CDC73: variants seen among roughly 807,000 people sequenced by gnomAD.
CDC73 encodes the protein parafibromin.
In CDC73, 21 loss-of-function variants were observed where a neutral mutation model predicts 83.7. The observed-to-expected ratio is 0.25, with a 90% CI of 0.18 to 0.36. The LOEUF (loss-of-function observed/expected upper bound fraction) is 0.36. Among genes scored for constraint, CDC73 ranks in the 10% least tolerant of loss-of-function variants. CDC73 has a pLI of 1.00. For missense variants in CDC73, 342 were observed against 653.3 expected (o/e 0.52, Z 5.19); for synonymous variants, 224 against 212.9 (o/e 1.05, Z -0.45).
chr1:193,225,347 G>T (rs972612376), intron 13 of CDC73, among the ~76,000 whole-genome samples: 1 of 151,688 alleles, frequency 6.6e-6, no homozygotes, highest in Non-Finnish European at 1.5e-5. Context: ...TTGCAATTGC[G>T]AATTGTGCTG....
At chr1:193,157,363 T>C (rs1286353555) in intron 10 of CDC73, among the ~76,000 whole-genome samples, 1 of 152,206 alleles carries the variant, frequency 6.6e-6, no homozygotes, top group East Asian at 1.9e-4. Context: ...ATATGTCTCT[T>C]TTAGCATGCT....
rs886045738 is a variant in CDC73, at chr1:193,254,497, A to G, written c.*3785A>G. On this transcript the variant is annotated 3_prime_UTR_variant, in exon 17 of 17. Coordinates refer to ENST00000367435, the MANE Select transcript of CDC73 (RefSeq NM_024529.5). ...ATTGGAGTGGGAATTTTGAAATGCC[A>G]TGTCCTATATATTCTGGCATATTTG... is the stretch of plus-strand genomic sequence containing the variant. Among the ~76,000 whole-genome samples, 1 of 152,112 alleles carries G rather than the reference A, an allele frequency of 6.6e-6. No individual in the cohort carries two copies. Among genetic ancestry groups the G allele is most frequent in the Admixed American group, 6.5e-5 (1 of 15,270 alleles).
At chr1:193,226,623 A>G in intron 13 of CDC73, among the ~76,000 whole-genome samples, 1 of 152,144 alleles carries the variant, frequency 6.6e-6, no homozygotes, top group Non-Finnish European at 1.5e-5. Context: ...TATCACATTT[A>G]TTGACTTGTG....
chr1:193,188,846 A>G (rs937661014), intron 10 of CDC73, among the ~76,000 whole-genome samples: 1 of 152,146 alleles, frequency 6.6e-6, no homozygotes, highest in African/African-American at 2.4e-5. Flanking sequence ...CAAGTATTTA[A>G]ACAGCAAGAA....
At chr1:193,181,338 G>A in intron 10 of CDC73, 1 of 1,614,056 alleles carries the variant, frequency 6.2e-7, no homozygotes, top group Non-Finnish European at 8.5e-7. Context: ...GGGAGCTGTG[G>A]TTTGTCTCAC....
At chr1:193,245,986 A>G (rs1558324712) in intron 15 of CDC73, among the ~76,000 whole-genome samples, 1 of 152,012 alleles carries the variant, frequency 6.6e-6, no homozygotes, top group Admixed American at 6.6e-5. Flanking sequence ...CTGATTTTTT[A>G]TGCTTTGAAA....
intron 11 of CDC73, among the ~76,000 whole-genome samples, chr1:193,211,544 T>C (rs937572880): frequency 6.6e-6 from 1 of 152,220 alleles, no homozygotes; most frequent in African/African-American, 2.4e-5. Flanking sequence ...TTGTCAGCCT[T>C]ATCACTCTTA....
intron 11 of CDC73, among the ~76,000 whole-genome samples, chr1:193,208,098 A>G (rs1185846357): frequency 2.0e-5 from 3 of 152,216 alleles, no homozygotes; most frequent in Non-Finnish European, 2.9e-5. Context: ...TCATAGAGTG[A>G]CACCACAATC....
intron 10 of CDC73, among the ~76,000 whole-genome samples, chr1:193,195,186 G>A (rs1216889086): frequency 6.6e-6 from 1 of 151,996 alleles, no homozygotes; most frequent in African/African-American, 2.4e-5. Context: ...ATTAGGAATG[G>A]GAATCTGCTT....
chr1:193,222,860 T>A (rs578254511), intron 13 of CDC73, among the ~76,000 whole-genome samples: 3 of 151,818 alleles, frequency 2.0e-5, no homozygotes, highest in Non-Finnish European at 4.4e-5. Flanking sequence ...CATTCTATCT[T>A]CCATGTTTCT....
At position 193,253,641 on chromosome 1, in the gene CDC73, A is replaced by G. The variant is rs1028300757; in HGVS notation, c.*2929A>G. ...TTTACTAACATTTGTTTTTAGCAGCACAACAGTAATCCATATAAAAACAAC... is the reference window on the plus strand; with the variant it reads ...TTTACTAACATTTGTTTTTAGCAGCGCAACAGTAATCCATATAAAAACAAC... On this transcript the variant is annotated 3_prime_UTR_variant, in exon 17 of 17. Coordinates refer to ENST00000367435, the MANE Select transcript of CDC73 (RefSeq NM_024529.5). 8.6e-6 allele frequency: 2 copies of G among 231,692 alleles called. No homozygotes were observed. The highest frequency in any genetic ancestry group is 4.4e-5 in the African/African-American group (2 of 45,272). The allele number at this position is 231,692 out of a possible 1,614,324, so 14.4% of individuals were successfully genotyped here.
At chr1:193,149,032 G>A (rs1036202798) in intron 8 of CDC73, among the ~76,000 whole-genome samples, 6 of 152,070 alleles carry the variant, frequency 3.9e-5, no homozygotes, top group Non-Finnish European at 5.9e-5. Flanking sequence ...GAAATTGTTG[G>A]AATTTAACTT....
At chr1:193,145,630 C>G (rs1315590852) in intron 7 of CDC73, among the ~76,000 whole-genome samples, 3 of 151,834 alleles carry the variant, frequency 2.0e-5, no homozygotes, top group African/African-American at 7.3e-5. Context: ...CAATTTTAAT[C>G]TTTAATTCAA....
intron 11 of CDC73, among the ~76,000 whole-genome samples, chr1:193,209,899 C>T (rs935446466): frequency 4.0e-5 from 6 of 151,844 alleles, no homozygotes; most frequent in Admixed American, 6.6e-5. Context: ...GCCTTCCTTC[C>T]ATCTTTGTTT....
At chr1:193,247,441 T>C (rs919186568) in intron 15 of CDC73, among the ~76,000 whole-genome samples, 4 of 151,888 alleles carry the variant, frequency 2.6e-5, no homozygotes, top group Non-Finnish European at 5.9e-5. Flanking sequence ...AGTATTGAAA[T>C]TAAGCCTATT....
chr1:193,215,213 A>G (rs1291777486), intron 13 of CDC73, among the ~76,000 whole-genome samples: 3 of 152,166 alleles, frequency 2.0e-5, no homozygotes, highest in Non-Finnish European at 4.4e-5. Flanking sequence ...GCTTCTCTCA[A>G]ATTATGTGCT....
chr1:193,215,562 G>A (rs1374024136), intron 13 of CDC73, among the ~76,000 whole-genome samples: 3 of 150,994 alleles, frequency 2.0e-5, no homozygotes, highest in East Asian at 1.9e-4. Context: ...GTCCTAAATC[G>A]CTTTTGGGCA....
chr1:193,145,714 G>C (rs1675988397), intron 7 of CDC73, among the ~76,000 whole-genome samples: 1 of 152,182 alleles, frequency 6.6e-6, no homozygotes, highest in South Asian at 2.1e-4. Flanking sequence ...AAGGGGTCCT[G>C]AGACTTATAT....
At chr1:193,124,784 TTTCTC>T (rs1397463594) in intron 1 of CDC73, among the ~76,000 whole-genome samples, 1 of 152,232 alleles carries the variant, frequency 6.6e-6, no homozygotes, top group East Asian at 1.9e-4. Flanking sequence ...GTGTAATTGT[TTTCTC>T]TTATGGATCC....
Sources: allele counts gnomAD v4.1 joint callset (sites outside exome capture counted in the v4.1 genomes callset), GRCh38; gene constraint gnomAD v4.1.1; transcripts MANE v1.5; gene names NCBI Gene and HGNC (gene_info 2026-07-23, HGNC 2026-07-21).